The following DTWD2 variants were observed in gnomAD, a reference collection of about 807,000 sequenced individuals.
The protein encoded by DTWD2 is tRNA-uridine aminocarboxypropyltransferase 2.
A neutral mutation model predicts 31.8 loss-of-function variants in DTWD2; 39 were observed. That is an observed-to-expected ratio of 1.22 (90% confidence interval 0.95 to 1.60). The LOEUF (loss-of-function observed/expected upper bound fraction) is 1.60. Among genes scored for constraint, DTWD2 ranks in the 40% most tolerant of loss-of-function variants. DTWD2 has a pLI of 0.00. For synonymous variants in DTWD2, 180 were observed against 142.8 expected, an observed-to-expected ratio of 1.26 and a Z score of -1.86; for missense variants, 515 against 381.5, an observed-to-expected ratio of 1.35 and a Z score of -2.92.
chr5:118,920,275 T>C (rs1406204478), intron 4 of DTWD2, among the ~76,000 whole-genome samples: 1 of 152,122 alleles, frequency 6.6e-6, no homozygotes, highest in Non-Finnish European at 1.5e-5. Flanking sequence ...GTATCATATA[T>C]ATTACACTGT....
At chr5:118,941,174 T>TTA (rs887759351) in intron 2 of DTWD2, among the ~76,000 whole-genome samples, 8 of 151,996 alleles carry the variant, frequency 5.3e-5, no homozygotes, top group African/African-American at 1.9e-4. Context: ...TTTCTTTTTA[T>TTA]TATATATATA....
chr5:118,867,574 A>G lies in DTWD2; in HGVS notation c.598-19356T>C, dbSNP rs181717268. Among the ~76,000 whole-genome samples the G allele has an allele frequency of 2.8e-4, 42 of 152,348 alleles. No individual in the cohort carries two copies. In the East Asian group the frequency reaches 7.5e-3, roughly 27 times the overall value. On this transcript the variant is annotated intron_variant, in intron 4 of 5. Transcript: ENST00000510708. ...AGTTACCTAACCTCTCTGGTCTTCCATTTTCTTAACTAAATATTATGGAAG... is the reference window on the plus strand; with the variant it reads ...AGTTACCTAACCTCTCTGGTCTTCCGTTTTCTTAACTAAATATTATGGAAG...
intron 5 of DTWD2, among the ~76,000 whole-genome samples, chr5:118,844,549 T>C (rs150352655): frequency 2.0e-5 from 3 of 152,348 alleles, no homozygotes; most frequent in African/African-American, 7.2e-5. Flanking sequence ...TACTCATTAT[T>C]ATCTCAGTTC....
intron 3 of DTWD2, among the ~76,000 whole-genome samples, chr5:118,930,468 A>C (rs1371142512): frequency 6.6e-6 from 1 of 152,148 alleles, no homozygotes; most frequent in Admixed American, 6.5e-5. Flanking sequence ...ATGCTAACAA[A>C]CTGAAAATTA....
chr5:118,860,753 T>C (rs75018583), intron 4 of DTWD2, among the ~76,000 whole-genome samples: 2,040 of 152,318 alleles, frequency 0.013, 42 homozygotes, highest in African/African-American at 0.046. Context: ...GTATTCTTGT[T>C]AGGACAGAGG....
intron 4 of DTWD2, among the ~76,000 whole-genome samples, chr5:118,850,036 T>C (rs1170342886): frequency 1.4e-5 from 2 of 146,736 alleles, no homozygotes; most frequent in African/African-American, 5.0e-5. Context: ...AAAAAGAAAA[T>C]GAAAAAAAAT....
rs1755486925 is a variant in DTWD2 at position 118,988,421 on chromosome 5, G to A, written c.91C>T (p.Arg31Trp). Residue 31 changes from arginine (R) to tryptophan (W), a missense_variant, in exon 1 of 6, where the codon CGG (arginine) becomes TGG (tryptophan). By Grantham distance (101) the Arg-to-Trp change is moderately radical. Coordinates refer to ENST00000510708, the MANE Select transcript of DTWD2 (RefSeq NM_173666.4). ...SSSQTPNDKE[R>W]REGGAVPAAA... is the part of the protein sequence containing the mutation. ...GCCGGCACTGCGCCGCCCTCCCGCC[G>A]CTCCTTGTCGTTCGGCGTCTGAGAG... 1.2e-6 allele frequency: 2 copies of A among 1,605,984 alleles called. No homozygotes were observed. The highest frequency in any genetic ancestry group is 2.3e-5 in the East Asian group (1 of 44,300).
chr5:118,933,412 C>T (rs1297148675), intron 3 of DTWD2, among the ~76,000 whole-genome samples: 1 of 152,086 alleles, frequency 6.6e-6, no homozygotes, highest in Non-Finnish European at 1.5e-5. Flanking sequence ...GGCAAAAATT[C>T]TCAACAAAAT....
At chr5:118,860,596 C>T (rs1424573324) in intron 4 of DTWD2, among the ~76,000 whole-genome samples, 10 of 151,960 alleles carry the variant, frequency 6.6e-5, no homozygotes, top group Admixed American at 6.6e-4. Context: ...ATCAAGTTAC[C>T]CTCAATAGAG....
At chr5:118,910,272 TAG>T (rs1753430149) in intron 4 of DTWD2, among the ~76,000 whole-genome samples, 1 of 152,218 alleles carries the variant, frequency 6.6e-6, no homozygotes, top group Non-Finnish European at 1.5e-5. Context: ...ACACTTCGCT[TAG>T]AGATTTCTTC....
chr5:118,944,496 T>C (rs950805732), intron 2 of DTWD2, 63 bp downstream of exon 2: 59 of 1,487,730 alleles, frequency 4.0e-5, no homozygotes, highest in Non-Finnish European at 3.1e-5. Context: ...AGTATGTTTA[T>C]CTTCGTGTTT....
intron 1 of DTWD2, among the ~76,000 whole-genome samples, chr5:118,967,408 T>G (rs1230929248): frequency 6.6e-6 from 1 of 152,238 alleles, no homozygotes; most frequent in Non-Finnish European, 1.5e-5. Context: ...GGATCTTGGT[T>G]TTGAATATCA....
At chr5:118,846,191 CT>C (rs1158776074) in intron 5 of DTWD2, among the ~76,000 whole-genome samples, 1 of 151,920 alleles carries the variant, frequency 6.6e-6, no homozygotes, top group Non-Finnish European at 1.5e-5. Context: ...TTAAATTTAT[CT>C]TTTTTTACAA....
At chr5:118,864,180 C>A (rs1752330427) in intron 4 of DTWD2, among the ~76,000 whole-genome samples, 1 of 116,802 alleles carries the variant, frequency 8.6e-6, no homozygotes, top group Non-Finnish European at 1.7e-5. Flanking sequence ...CACATATACA[C>A]CATGGAATAC....
chr5:118,853,292 T>C (rs1752054924), intron 4 of DTWD2, among the ~76,000 whole-genome samples: 1 of 152,194 alleles, frequency 6.6e-6, no homozygotes, highest in Non-Finnish European at 1.5e-5. Context: ...GCTTATACAC[T>C]GTTGTTAAGA....
At chr5:118,886,207 C>T (rs1348005235) in intron 4 of DTWD2, among the ~76,000 whole-genome samples, 3 of 152,142 alleles carry the variant, frequency 2.0e-5, no homozygotes, top group African/African-American at 4.8e-5. Flanking sequence ...AGTCTCTGTA[C>T]GTAACAGGCA....
chr5:118,860,694 G>A (rs1050424872), intron 4 of DTWD2, among the ~76,000 whole-genome samples: 2 of 152,208 alleles, frequency 1.3e-5, no homozygotes, highest in African/African-American at 4.8e-5. Flanking sequence ...TAGGACTTTT[G>A]ACAATCTGTT....
chr5:118,872,427 T>C (rs778819681), intron 4 of DTWD2, among the ~76,000 whole-genome samples: 1 of 152,216 alleles, frequency 6.6e-6, no homozygotes, highest in Non-Finnish European at 1.5e-5. Flanking sequence ...TTAAAGTAAG[T>C]GACATGTGAC....
chr5:118,920,657 A>C (rs894662411), intron 4 of DTWD2, among the ~76,000 whole-genome samples: 13 of 152,222 alleles, frequency 8.5e-5, no homozygotes, highest in Non-Finnish European at 2.9e-5. Flanking sequence ...TATTGAACTA[A>C]ATTGTATTTC....
Sources: gnomAD v4.1 joint callset for allele counts (sites outside exome capture counted in the v4.1 genomes callset) on GRCh38, gnomAD v4.1.1 for gene constraint, MANE v1.5 for transcripts, NCBI Gene and HGNC (gene_info 2026-07-23, HGNC 2026-07-21) for gene names.